FAM181A: variants seen among roughly 807,000 people sequenced by gnomAD.
FAM181A encodes family with sequence similarity 181 member A.
FAM181A carries 7 observed loss-of-function variants against 16.3 expected under a neutral mutation model. That is an observed-to-expected ratio of 0.43 (90% CI 0.24 to 0.81). The LOEUF is 0.81. Ranked by LOEUF, FAM181A falls within the 30% of genes least tolerant of loss-of-function variation. FAM181A has a pLI of 0.24. For synonymous variants in FAM181A, 183 were observed against 164.9 expected, an observed-to-expected ratio of 1.11 and a Z score of -0.84; for missense variants, 349 against 377.5, an observed-to-expected ratio of 0.92 and a Z score of 0.63.
chr14:93,927,214 C>T (rs191738846), upstream of FAM181A: 174 of 900,374 alleles, frequency 1.9e-4, no homozygotes, highest in African/African-American at 2.8e-3. Flanking sequence ...CAATTTGTGA[C>T]GGCAAAGAAT....
In FAM181A at chr14:93,928,472, G is replaced by A; in HGVS notation, c.187G>A (p.Ala63Thr). The change falls in exon 2 of 2, where the codon GCT becomes ACT. Residue 63 changes from alanine to threonine, a missense_variant. Physicochemically the swap from Ala to Thr is moderately conservative, Grantham distance 58. Transcript: ENST00000556222. ...SRLPRGLPGR[A>T]AEPYLKRGSE... ...GCTCCCGCGGGGCCTTCCTGGCAGA[G>A]CTGCTGAGCCCTACCTGAAAAGGGG... The A allele has an allele frequency of 1.9e-6, 3 of 1,611,184 alleles. No homozygotes were observed. The highest frequency in any genetic ancestry group is 2.5e-6 in the Non-Finnish European group (3 of 1,177,908).
intron 1 of FAM181A, among the ~76,000 whole-genome samples, chr14:93,919,984 G>T (rs1887663311): frequency 6.6e-6 from 1 of 151,174 alleles, no homozygotes; most frequent in Non-Finnish European, 1.5e-5. Flanking sequence ...AGAAGTCAAT[G>T]ATATTGAAAA....
Position 93,928,321 on chromosome 14 carries a change from CT to C in FAM181A, c.38del (p.Phe13SerfsTer2), listed in dbSNP as rs1284247402. ...SDSDVKMLLN[F>X]VNLASSDIKA... is the part of the protein sequence containing the mutation. ...ACAGTGATGTGAAGATGCTGCTGAA[CT>C]TCGTGAACCTGGCGTCCAGCGACAT... is the stretch of plus-strand genomic sequence containing the variant. On this transcript the variant is annotated frameshift_variant, in exon 2 of 2. Transcript: ENST00000556222. LOFTEE classifies it high-confidence loss of function. 6.2e-7 allele frequency: 1 copy of C among 1,613,876 alleles called. No individual in the cohort carries two copies.
In FAM181A at chr14:93,928,406, C is replaced by A; in HGVS notation, c.121C>A (p.Leu41Met). The change falls in exon 2 of 2, where the codon CTG becomes ATG. Residue 41 changes from leucine (L) to methionine (M), a missense_variant. Physicochemically the swap from Leu to Met is conservative, Grantham distance 15 (BLOSUM62 2). Transcript: ENST00000556222. ...CRRSVDHRKY[L>M]QKQLKRFSQK... ...CCGCTCCGTGGACCATCGCAAGTAC[C>A]TGCAGAAGCAGCTCAAGCGCTTCTC... is the stretch of plus-strand genomic sequence containing the variant. 6.2e-7 allele frequency: 1 copy of A among 1,613,924 alleles called. No individual in the cohort carries two copies. Among genetic ancestry groups the A allele is most frequent in the Non-Finnish European group, 8.5e-7 (1 of 1,179,984 alleles).
chr14:93,925,286 GAGA>G (rs770953231), upstream of FAM181A: 3 of 1,613,582 alleles, frequency 1.9e-6, no homozygotes, highest in African/African-American at 1.3e-5. Context: ...CCTTAGAAGA[GAGA>G]AGATCTTCTG....
rs1189894546 is a variant in FAM181A, at chr14:93,928,771, A to G, written c.486A>G (p.Gly162=). Reference sequence around the variant, plus strand: ...AGGGGGGACTGGGCCCCAGGGAGGGACCTCCCTATGAGGGTAAGAAAAATT... The same window carrying G: ...AGGGGGGACTGGGCCCCAGGGAGGGGCCTCCCTATGAGGGTAAGAAAAATT... ...GLEGGLGPRE[G]PPYEGKKNCK... The change falls in exon 2 of 2, where the codon GGA becomes GGG. Residue 162 remains glycine (G), a synonymous_variant. Coordinates refer to ENST00000556222, the MANE Select transcript of FAM181A (RefSeq NM_001207073.2). 2 of 1,613,648 alleles carry G rather than the reference A, an allele frequency of 1.2e-6. No homozygotes were observed. The highest frequency in any genetic ancestry group is 1.1e-5 in the South Asian group (1 of 91,072).
At chr14:93,927,830 T>G (rs1887973667) in intron 1 of FAM181A, among the ~76,000 whole-genome samples, 1 of 151,588 alleles carries the variant, frequency 6.6e-6, no homozygotes, top group Non-Finnish European at 1.5e-5. Context: ...AATAAACACC[T>G]CGCTGGCAAG....
In FAM181A at chr14:93,928,552, C is replaced by T. The variant is rs199998912; in HGVS notation, c.267C>T (p.Pro89=). The T allele has an allele frequency of 6.5e-5, 105 of 1,613,046 alleles. No individual in the cohort carries two copies. Among genetic ancestry groups the T allele is most frequent in the Middle Eastern group, 3.3e-4 (2 of 6,054 alleles). The part of the protein sequence containing the change: ...LLLDLGPDSS[P]GGGGGCKEKV... The stretch of plus-strand genomic sequence containing the variant: ...TGGATTTGGGCCCTGATTCCAGCCC[C>T]GGCGGGGGTGGGGGCTGCAAGGAGA... Residue 89 remains proline, a synonymous_variant, in exon 2 of 2, where the codon CCC becomes CCT. Transcript: ENST00000556222.
upstream of FAM181A, chr14:93,927,031 AACAC>A (rs375272025): frequency 8.4e-5 from 8 of 94,954 alleles, no homozygotes; most frequent in Admixed American, 2.2e-4. Context: ...GGACATTTTA[AACAC>A]ACACACACAC....
intron 1 of FAM181A, among the ~76,000 whole-genome samples, chr14:93,920,203 C>G (rs557683767): frequency 5.1e-4 from 78 of 152,190 alleles, no homozygotes; most frequent in African/African-American, 1.8e-3. Context: ...AGCTTGAGCT[C>G]AGGGGTTTGA....
intron 1 of FAM181A, among the ~76,000 whole-genome samples, chr14:93,927,982 AC>A (rs1445924235): frequency 2.0e-5 from 3 of 151,900 alleles, no homozygotes; most frequent in Non-Finnish European, 4.4e-5. Flanking sequence ...GGGGCACCAG[AC>A]CCAAGCAGGC....
At chr14:93,919,855 G>C (rs1887659443) in intron 1 of FAM181A, among the ~76,000 whole-genome samples, 1 of 151,884 alleles carries the variant, frequency 6.6e-6, no homozygotes, top group Non-Finnish European at 1.5e-5. Context: ...ATAGCACTAA[G>C]AGGCCTACAT....
chr14:93,928,406 C>T lies in FAM181A; in HGVS notation c.121C>T (p.Leu41=), dbSNP rs760247574. 1 of 1,613,924 alleles carries T rather than the reference C, an allele frequency of 6.2e-7. No homozygotes were observed. Among genetic ancestry groups the T allele is most frequent in the South Asian group, 1.1e-5 (1 of 91,088 alleles). Residue 41 remains leucine, a synonymous_variant, in exon 2 of 2, where the codon CTG becomes TTG. Transcript: ENST00000556222. ...CCGCTCCGTGGACCATCGCAAGTAC[C>T]TGCAGAAGCAGCTCAAGCGCTTCTC... The part of the protein sequence containing the change: ...CRRSVDHRKY[L]QKQLKRFSQK...
At chr14:93,925,634 G>T (rs138340593), upstream of FAM181A, among the ~76,000 whole-genome samples, 6 of 152,108 alleles carry the variant, frequency 3.9e-5, no homozygotes, top group African/African-American at 1.2e-4. Flanking sequence ...TCTCACCCAT[G>T]CAAAGGTTGC....
In FAM181A at chr14:93,928,456, G is replaced by A. The variant is rs1434716829; in HGVS notation, c.171G>A (p.Arg57=). 6.2e-7 allele frequency: 1 copy of A among 1,611,744 alleles called. No homozygotes were observed. Among genetic ancestry groups the A allele is most frequent in the African/African-American group, 1.3e-5 (1 of 75,040 alleles). Residue 57 remains arginine, a synonymous_variant, in exon 2 of 2, where the codon CGG becomes CGA. Transcript: ENST00000556222. The stretch of plus-strand genomic sequence containing the variant: ...CCCAGAAGTATTCCCGGCTCCCGCG[G>A]GGCCTTCCTGGCAGAGCTGCTGAGC... ...RFSQKYSRLP[R]GLPGRAAEPY... is the part of the protein sequence containing the mutation.
rs1888066905 is a variant in FAM181A, at chr14:93,929,370, T to G, written c.*206T>G. ...TTGGAAGCTGGGAGGCTGGACCTGG[T>G]TGGCCCCTCCCCAGGCAGGCCAGGG... On this transcript the variant is annotated 3_prime_UTR_variant, in exon 2 of 2. Coordinates refer to ENST00000556222, the MANE Select transcript of FAM181A (RefSeq NM_001207073.2). The G allele has an allele frequency of 4.7e-6, 3 of 644,500 alleles. No homozygotes were observed. The Admixed American group carries it at 1.1e-4, about 23-fold the overall frequency. 39.9% of individuals were successfully genotyped at this position (644,500 alleles called of 1,614,324 possible).
In FAM181A at chr14:93,928,970, G is replaced by C; in HGVS notation, c.685G>C (p.Gly229Arg). The change falls in exon 2 of 2, where the codon GGG (glycine) becomes CGG (arginine). Residue 229 changes from glycine (G) to arginine (R), a missense_variant. Physicochemically the swap from Gly to Arg is moderately radical, Grantham distance 125. Transcript: ENST00000556222. Reference sequence around the variant, plus strand: ...ACAGCCCATCTATCCGGGCCCCCTGGGGGCACTGCCTCAGAGTCCTGTCCC... The same window carrying C: ...ACAGCCCATCTATCCGGGCCCCCTGCGGGCACTGCCTCAGAGTCCTGTCCC... ...HGQPIYPGPL[G>R]ALPQSPVPSL... 3 of 1,613,800 alleles carry C rather than the reference G, an allele frequency of 1.9e-6. No individual in the cohort carries two copies. The highest frequency in any genetic ancestry group is 2.5e-6 in the Non-Finnish European group (3 of 1,179,938).
intron 1 of FAM181A, chr14:93,922,099 C>A (rs1046152577): frequency 6.6e-6 from 1 of 152,164 alleles, no homozygotes; most frequent in Non-Finnish European, 1.5e-5. Flanking sequence ...AATCTCTTCC[C>A]CTCTCTGGGC....
rs755454382 is a variant in FAM181A, at chr14:93,928,719, C to T, written c.434C>T (p.Pro145Leu). ...GCTTCCTTCTGGGAAGAGCCAAGGCCCACCCACAGCTACCATGTGGGGCTG... is the reference window on the plus strand; with the variant it reads ...GCTTCCTTCTGGGAAGAGCCAAGGCTCACCCACAGCTACCATGTGGGGCTG... ...LPASFWEEPR[P>L]THSYHVGLEG... The change falls in exon 2 of 2, where the codon CCC (proline) becomes CTC (leucine). Residue 145 changes from proline to leucine, a missense_variant. Transcript: ENST00000556222. The T allele has an allele frequency of 1.2e-6, 2 of 1,613,944 alleles. No individual in the cohort carries two copies. The highest frequency in any genetic ancestry group is 1.7e-6 in the Non-Finnish European group (2 of 1,179,964).
Sources: gnomAD v4.1 joint callset for allele counts (sites outside exome capture counted in the v4.1 genomes callset) on GRCh38, gnomAD v4.1.1 for gene constraint, MANE v1.5 for transcripts, NCBI Gene and HGNC (gene_info 2026-07-23, HGNC 2026-07-21) for gene names.